The following STK32B variants were observed in gnomAD, a reference collection of about 807,000 sequenced individuals.
STK32B encodes serine/threonine-protein kinase 32B.
Under a neutral mutation model 52.6 loss-of-function variants are expected in STK32B, and 43 were observed. The ratio of observed to expected loss-of-function variants is 0.82; its 90% CI spans 0.64 to 1.05. The LOEUF (loss-of-function observed/expected upper bound fraction) is 1.05, where lower values mean the gene tolerates loss of function less well. Among genes scored for constraint, STK32B ranks in the 50% least tolerant of loss-of-function variants. STK32B has a pLI of 0.00. For synonymous variants in STK32B, 238 were observed against 204.3 expected (o/e 1.17, Z -1.41); for missense variants, 621 against 534.6 (o/e 1.16, Z -1.59).
At chr4:5,023,730 C>T in the STK32B span, among the ~76,000 whole-genome samples, 5 of 152,188 alleles carry the variant, frequency 3.3e-5, no homozygotes, top group Non-Finnish European at 4.4e-5. Context: ...TCACGATTAA[C>T]GCCTCTCTGT....
At chr4:5,165,298 T>C (rs958127435) in intron 2 of STK32B, among the ~76,000 whole-genome samples, 2 of 152,172 alleles carry the variant, frequency 1.3e-5, no homozygotes, top group Admixed American at 1.3e-4. Flanking sequence ...TTGCTTGTAT[T>C]GAAAAGTCAA....
intron 3 of STK32B, among the ~76,000 whole-genome samples, chr4:5,215,562 C>T (rs1165132282): frequency 6.6e-6 from 1 of 152,120 alleles, no homozygotes; most frequent in Non-Finnish European, 1.5e-5. Context: ...TGTCAAATGG[C>T]TTCCTGTTTG....
At chr4:5,440,633 A>C (rs1714640285) in intron 6 of STK32B, among the ~76,000 whole-genome samples, 1 of 152,256 alleles carries the variant, frequency 6.6e-6, no homozygotes, top group Non-Finnish European at 1.5e-5. Context: ...CAGAACCTCC[A>C]ACACTATGTT....
At chr4:5,056,028 C>T (rs1741992590) in intron 1 of STK32B, among the ~76,000 whole-genome samples, 1 of 152,148 alleles carries the variant, frequency 6.6e-6, no homozygotes, top group Non-Finnish European at 1.5e-5. Flanking sequence ...AGGAACTGGG[C>T]CATCAGCAGG....
chr4:5,201,726 T>C (rs1722165220), intron 3 of STK32B, among the ~76,000 whole-genome samples: 1 of 152,182 alleles, frequency 6.6e-6, no homozygotes, highest in South Asian at 2.1e-4. Flanking sequence ...ACATCTTACA[T>C]GGTGGCAGTA....
chr4:5,370,848 C>T (rs186171280), intron 4 of STK32B, among the ~76,000 whole-genome samples: 1 of 151,852 alleles, frequency 6.6e-6, no homozygotes, highest in Non-Finnish European at 1.5e-5. Context: ...TGGTGCATGC[C>T]TGTAGTCCCA....
chr4:5,282,928 C>T (rs1213253943), intron 3 of STK32B, among the ~76,000 whole-genome samples: 3 of 152,128 alleles, frequency 2.0e-5, no homozygotes, highest in African/African-American at 7.2e-5. Flanking sequence ...ACTGAAACCA[C>T]AGAAAGCAAA....
At chr4:5,156,426 A>G (rs1187927993) in intron 2 of STK32B, among the ~76,000 whole-genome samples, 2 of 152,150 alleles carry the variant, frequency 1.3e-5, no homozygotes, top group East Asian at 1.9e-4. Context: ...ATGCAAATTT[A>G]CTTCGCACAG....
In STK32B at chr4:5,469,655, G is replaced by C. The variant is rs1468825907; in HGVS notation, c.1106+1585G>C. On this transcript the variant is annotated intron_variant, in intron 11 of 11. Transcript: ENST00000282908. The surrounding 1 kb of genome is among the most constrained non-coding windows in gnomAD (Gnocchi z 4.7). The stretch of plus-strand genomic sequence containing the variant: ...ACTGACCCTGAGTGGCTATAGCTCT[G>C]AGGGCCAATGGGTGCCCAGATCAGC... Among the ~76,000 whole-genome samples the C allele has an allele frequency of 6.6e-6, 1 of 152,164 alleles. No individual in the cohort carries two copies. Among genetic ancestry groups the C allele is most frequent in the African/African-American group, 2.4e-5 (1 of 41,442 alleles).
intron 6 of STK32B, among the ~76,000 whole-genome samples, chr4:5,426,692 CAAAAAAAAAAAA>C (rs746246839): frequency 9.0e-5 from 7 of 78,014 alleles, no homozygotes; most frequent in African/African-American, 2.4e-4. Flanking sequence ...TCCATCTAAA[CAAAAAAAAAAAA>C]AAAAAAAAAA....
chr4:5,140,349 G>T (rs1239817634), intron 2 of STK32B: 14 of 1,212,114 alleles, frequency 1.2e-5, no homozygotes, highest in Admixed American at 5.8e-5. Flanking sequence ...TTTTGAAAAG[G>T]TATAGAAGGC....
intron 11 of STK32B, among the ~76,000 whole-genome samples, chr4:5,481,681 T>G (rs1028311040): frequency 6.6e-6 from 1 of 152,194 alleles, no homozygotes; most frequent in Non-Finnish European, 1.5e-5. Context: ...CTGAATGGTA[T>G]TGCCTAGTTT....
chr4:5,317,123 AT>A (rs1458073511), intron 3 of STK32B, among the ~76,000 whole-genome samples: 2 of 34,714 alleles, frequency 5.8e-5, no homozygotes, highest in Non-Finnish European at 8.1e-5. Context: ...TATATAATAC[AT>A]TATAATATAT....
chr4:5,168,953 T>C (rs936767894), intron 3 of STK32B, among the ~76,000 whole-genome samples: 3 of 152,224 alleles, frequency 2.0e-5, no homozygotes, highest in African/African-American at 7.2e-5. Flanking sequence ...CCTTGGCTAT[T>C]ATCTTCACTT....
Position 5,256,687 on chromosome 4 carries a change from C to G in STK32B, c.261-74533C>G, listed in dbSNP as rs147342867. Among the ~76,000 whole-genome samples, 33 of 152,378 alleles carry G rather than the reference C, an allele frequency of 2.2e-4. 1 individual carries two copies. The East Asian group carries it at 5.0e-3, about 23-fold the overall frequency. On this transcript the variant is annotated intron_variant, in intron 3 of 11. Coordinates refer to ENST00000282908, the MANE Select transcript of STK32B (RefSeq NM_018401.3). Reference sequence around the variant, plus strand: ...TGCGAAGTCTTCTCCTGCCTCCTGTCTGAGCCTGAGTGACTGAGTATCTCT... The same window carrying G: ...TGCGAAGTCTTCTCCTGCCTCCTGTGTGAGCCTGAGTGACTGAGTATCTCT...
chr4:5,061,154 T>C (rs1426048381), intron 1 of STK32B, among the ~76,000 whole-genome samples: 2 of 152,234 alleles, frequency 1.3e-5, no homozygotes, highest in East Asian at 1.9e-4. Context: ...CTATGCCCCA[T>C]CTGGCTTTGA....
intron 11 of STK32B, among the ~76,000 whole-genome samples, chr4:5,472,621 A>C (rs1717929390): frequency 6.6e-6 from 1 of 152,216 alleles, no homozygotes; most frequent in African/African-American, 2.4e-5. Flanking sequence ...TTTGCAGAAT[A>C]AGAAGCTCCT....
At chr4:5,311,750 C>T (rs1296108887) in intron 3 of STK32B, among the ~76,000 whole-genome samples, 1 of 151,994 alleles carries the variant, frequency 6.6e-6, no homozygotes, top group African/African-American at 2.4e-5. Context: ...ATGAACACTC[C>T]TATATCTGTT....
intron 1 of STK32B, among the ~76,000 whole-genome samples, chr4:5,091,520 AT>A (rs1374407007): frequency 6.6e-6 from 1 of 152,190 alleles, no homozygotes; most frequent in South Asian, 2.1e-4. Flanking sequence ...CAAACCCACA[AT>A]GATACACTAC....
Sources: allele counts gnomAD v4.1 joint callset (sites outside exome capture counted in the v4.1 genomes callset), GRCh38; gene constraint gnomAD v4.1.1; non-coding constraint Gnocchi (gnomAD v3.1); transcripts MANE v1.5; gene names NCBI Gene and HGNC (gene_info 2026-07-23, HGNC 2026-07-21).